Variants in BRD8 observed in about 807,000 individuals in gnomAD.
BRD8 encodes bromodomain containing 8.
Under a neutral mutation model 143.1 loss-of-function variants are expected in BRD8, and 67 were observed. The observed-to-expected ratio is 0.47, with a 90% confidence interval of 0.38 to 0.57. The LOEUF (loss-of-function observed/expected upper bound fraction) is 0.57, where lower values mean the gene tolerates loss of function less well. Among genes scored for constraint, BRD8 ranks in the 20% least tolerant of loss-of-function variants. BRD8 has a pLI of 0.00. For synonymous variants in BRD8, 505 were observed against 517.1 expected (o/e 0.98, Z 0.32); for missense variants, 1,103 against 1,503.0 (o/e 0.73, Z 4.40).
Position 138,161,052 on chromosome 5 carries a change from T to G in BRD8, c.2266A>C (p.Thr756Pro). The change falls in exon 18 of 27, where the codon ACT (threonine) becomes CCT (proline). Residue 756 changes from threonine (T) to proline (P), a missense_variant. By Grantham distance (38) the Thr-to-Pro change is conservative. Transcript: ENST00000254900. Reference sequence around the variant, plus strand: ...CCATTTTCTATGTTTTTCTTAATAGTTGACAAATCCATAGGCCTAAAAAAA... The same window carrying G: ...CCATTTTCTATGTTTTTCTTAATAGGTGACAAATCCATAGGCCTAAAAAAA... ...SIVQRPMDLSTIKKNIENGLI... is the reference protein window; with the variant it reads ...SIVQRPMDLSPIKKNIENGLI... 6.2e-7 allele frequency: 1 copy of G among 1,612,364 alleles called. No individual in the cohort carries two copies. Among genetic ancestry groups the G allele is most frequent in the South Asian group, 1.1e-5 (1 of 90,694 alleles).
intron 3 of BRD8, 80 bp from the exon 4 acceptor site, chr5:138,171,490 G>C: frequency 1.1e-6 from 1 of 935,922 alleles, no homozygotes; most frequent in South Asian, 1.3e-5. Flanking sequence ...CAAGAGATTA[G>C]AGTAAGATTT....
intron 25 of BRD8, among the ~76,000 whole-genome samples, chr5:138,142,695 G>A (rs575038318): frequency 6.6e-5 from 10 of 150,532 alleles, no homozygotes; most frequent in African/African-American, 1.7e-4. Flanking sequence ...CCCGGGAGGC[G>A]GAGGTTGCAG....
chr5:138,158,718 C>T (rs1752778409), intron 20 of BRD8, among the ~76,000 whole-genome samples: 1 of 150,006 alleles, frequency 6.7e-6, no homozygotes, highest in Non-Finnish European at 1.5e-5. Flanking sequence ...GCTGGGACTA[C>T]AGGTGTGAGC....
intron 2 of BRD8, chr5:138,172,661 C>G (rs1459473969): frequency 1.3e-5 from 4 of 308,714 alleles, no homozygotes; most frequent in East Asian, 1.2e-4. Context: ...AGATCCCATC[C>G]CTACAAAAAA....
In BRD8 at chr5:138,145,694, T is replaced by C. The variant is rs143232335; in HGVS notation, c.3368+95A>G. 690 of 1,094,312 alleles carry C rather than the reference T, an allele frequency of 6.3e-4. 8 individuals carry two copies. The East Asian group carries it at 0.015, about 23-fold the overall frequency. The allele number at this position is 1,094,312 out of a possible 1,614,324, so 67.8% of individuals were successfully genotyped here. On this transcript the variant is annotated intron_variant, in intron 24 of 26. Coordinates refer to ENST00000254900, the MANE Select transcript of BRD8 (RefSeq NM_139199.2). The stretch of plus-strand genomic sequence containing the variant: ...AATCTACCTTTCAACTATGGCTCAT[T>C]TGAGGGATGAACATATCTCCTTTTA...
intron 1 of BRD8, 72 bp from the exon 2 acceptor site, chr5:138,177,739 C>A: frequency 1.1e-6 from 1 of 903,586 alleles, no homozygotes; most frequent in Non-Finnish European, 1.7e-6. Context: ...TCCAAAATCC[C>A]CAAAAAGAGG....
intron 2 of BRD8, among the ~76,000 whole-genome samples, chr5:138,175,912 CAAAAAAAAAAAA>C (rs59338837): frequency 1.1e-4 from 2 of 18,592 alleles, no homozygotes; most frequent in Non-Finnish European, 1.9e-4. Context: ...ACCCTGTCTG[CAAAAAAAAAAAA>C]AAAAAAAAAA....
chr5:138,168,221 CTAAACTA>C (rs1463722627), intron 8 of BRD8, 143 bp from the exon 9 acceptor site: 19 of 702,618 alleles, frequency 2.7e-5, no homozygotes, highest in Non-Finnish European at 3.8e-5. Context: ...AAGGGAAACT[CTAAACTA>C]TAATGTTCAA....
At chr5:138,168,386 C>A in intron 8 of BRD8, 1 of 946,478 alleles carries the variant, frequency 1.1e-6, no homozygotes, top group South Asian at 1.4e-5. Context: ...ACTTTTATTC[C>A]CCATGTCACA....
In BRD8 at chr5:138,144,886, G is replaced by A. The variant is rs181127996; in HGVS notation, c.3437+291C>T. Among the ~76,000 whole-genome samples the A allele has an allele frequency of 4.3e-4, 53 of 121,848 alleles. 1 individual carries two copies. The East Asian group carries it at 0.011, about 26-fold the overall frequency. 79.9% of individuals were successfully genotyped at this position (121,848 alleles called of 152,430 possible). A position where few individuals can be genotyped will look rare whatever the true frequency, so the allele number is the denominator to read the frequency against. On this transcript the variant is annotated intron_variant, in intron 25 of 26. Transcript: ENST00000254900. ...ACTGCACTCCAGCCTGGGCAACAGA[G>A]TGAGACCCTGTCAAAAAAAAAAAAA...
intron 20 of BRD8, among the ~76,000 whole-genome samples, chr5:138,156,144 ATT>A (rs34113515): frequency 1.4e-5 from 2 of 141,116 alleles, no homozygotes; most frequent in Non-Finnish European, 1.5e-5. Context: ...GTGTTGGGCT[ATT>A]TTTTTTTTTT....
rs555373346 is a variant in BRD8 at position 138,162,125 on chromosome 5, C to G, written c.2109G>C (p.Gln703His). ...AAATTTTCTGTGCCTGAATAGCTTC[C>G]TGATCCTCACTACAGACAGAGCTGA... The part of the protein sequence containing the change: ...SSQFSVCSED[Q>H]EAIQAQKIWK... Residue 703 changes from glutamine to histidine, a missense_variant, in exon 16 of 27, where the codon CAG becomes CAC. By Grantham distance (24) the Gln-to-His change is conservative. Coordinates refer to ENST00000254900, the MANE Select transcript of BRD8 (RefSeq NM_139199.2). The G allele has an allele frequency of 6.2e-7, 1 of 1,613,728 alleles. No homozygotes were observed. Among genetic ancestry groups the G allele is most frequent in the South Asian group, 1.1e-5 (1 of 91,036 alleles).
chr5:138,151,601 T>C (rs1752370572), intron 21 of BRD8, among the ~76,000 whole-genome samples: 2 of 152,258 alleles, frequency 1.3e-5, no homozygotes, highest in South Asian at 4.1e-4. Context: ...GCAGTCCTTA[T>C]GACCCAGGCC....
At chr5:138,159,021 G>A (rs1202232103) in intron 20 of BRD8, among the ~76,000 whole-genome samples, 1 of 150,152 alleles carries the variant, frequency 6.7e-6, no homozygotes, top group Non-Finnish European at 1.5e-5. Context: ...AAACTCCTGG[G>A]CTCAAGCAAT....
At chr5:138,149,847 A>G in intron 22 of BRD8, 50 bp from the exon 23 acceptor site, 1 of 1,543,476 alleles carries the variant, frequency 6.5e-7, no homozygotes, top group South Asian at 1.3e-5. Flanking sequence ...TACTTTCTGC[A>G]TAGTAATTTT....
Position 138,162,258 on chromosome 5 carries a change from G to A in BRD8, c.2088-112C>T, listed in dbSNP as rs1376000651. The A allele has an allele frequency of 6.3e-5, 50 of 793,034 alleles. 1 individual carries two copies. In the Admixed American group the frequency reaches 1.3e-3, roughly 20 times the overall value. 49.1% of individuals were successfully genotyped at this position (793,034 alleles called of 1,614,324 possible). A position where few individuals can be genotyped will look rare whatever the true frequency, so the allele number is the denominator to read the frequency against. On this transcript the variant is annotated intron_variant, in intron 15 of 26. Transcript: ENST00000254900. ...TCTGTCCCCCAGGCTGGAGTGCAGTGGCATGATCATGTTCATTGCACCCTC... is the reference window on the plus strand; with the variant it reads ...TCTGTCCCCCAGGCTGGAGTGCAGTAGCATGATCATGTTCATTGCACCCTC...
intron 1 of BRD8, 79 bp from the exon 2 acceptor site, chr5:138,177,746 G>A: frequency 1.2e-6 from 1 of 845,804 alleles, no homozygotes. Context: ...TCCCCAAAAA[G>A]AGGACTAAAA....
rs75165147 is a variant in BRD8, at chr5:138,152,866, T to C, written c.2578-106A>G. On this transcript the variant is annotated intron_variant, in intron 20 of 26. Transcript: ENST00000254900. The stretch of plus-strand genomic sequence containing the variant: ...AAAAATAAGGGGCCAGAAATTTATT[T>C]GTATTCAAGTATTCATCATTAGGAA... 1.2e-4 allele frequency: 136 copies of C among 1,160,764 alleles called. No homozygotes were observed. The East Asian group carries it at 3.3e-3, about 28-fold the overall frequency. The allele number at this position is 1,160,764 out of a possible 1,614,324, so 71.9% of individuals were successfully genotyped here.
At chr5:138,145,097 A>G in intron 25 of BRD8, 80 bp downstream of exon 25, 9 of 1,403,906 alleles carry the variant, frequency 6.4e-6, no homozygotes, top group Non-Finnish European at 8.9e-6. Flanking sequence ...AGTTATAAAA[A>G]TAATCTAACA....
Sources: allele counts gnomAD v4.1 joint callset (sites outside exome capture counted in the v4.1 genomes callset), GRCh38; gene constraint gnomAD v4.1.1; transcripts MANE v1.5; gene names NCBI Gene and HGNC (gene_info 2026-07-23, HGNC 2026-07-21).